The following DCC variants were observed in gnomAD, a reference collection of about 807,000 sequenced individuals.
DCC encodes the protein DCC netrin 1 receptor.
A neutral mutation model predicts 172.5 loss-of-function variants in DCC; 58 were observed. That is an observed-to-expected ratio of 0.34 (90% confidence interval 0.27 to 0.42). The LOEUF (loss-of-function observed/expected upper bound fraction) is 0.42, where lower values mean the gene tolerates loss of function less well. DCC is among the 10% of genes least tolerant of loss of function. DCC has a pLI of 1.00. For missense variants in DCC, 1,740 were observed against 1,791.0 expected (o/e 0.97, Z 0.51); for synonymous variants, 709 against 644.5 (o/e 1.10, Z -1.52).
At chr18:52,389,395 A>G (rs921605863) in intron 1 of DCC, among the ~76,000 whole-genome samples, 1 of 152,178 alleles carries the variant, frequency 6.6e-6, no homozygotes, top group African/African-American at 2.4e-5. Flanking sequence ...ATTCAAATTT[A>G]ACTGGACGTC....
At chr18:52,927,168 T>TGTATATGTGTATATAC (rs2040229577) in intron 5 of DCC, among the ~76,000 whole-genome samples, 2 of 82,452 alleles carry the variant, frequency 2.4e-5, no homozygotes, top group African/African-American at 4.7e-5. Context: ...CGTATATATG[T>TGTATATGTGTATATAC]GTATATATGT....
chr18:53,189,415 T>TTA (rs775818255), intron 9 of DCC, among the ~76,000 whole-genome samples: 6 of 151,540 alleles, frequency 4.0e-5, no homozygotes, highest in South Asian at 4.2e-4. Flanking sequence ...CAACACAATT[T>TTA]TATATATATA....
At chr18:53,505,161 TATAGCAAAA>T (rs767107649) in intron 27 of DCC, 3 of 152,148 alleles carry the variant, frequency 2.0e-5, no homozygotes, top group Non-Finnish European at 4.4e-5. Flanking sequence ...GAGGAGATGT[TATAGCAAAA>T]GTAGCAACTA....
At chr18:52,850,939 A>G (rs553844229) in intron 2 of DCC, among the ~76,000 whole-genome samples, 2 of 152,222 alleles carry the variant, frequency 1.3e-5, no homozygotes, top group Middle Eastern at 3.4e-3. Flanking sequence ...TCTTTTCTGT[A>G]TTAATAAAGT....
At chr18:52,720,847 T>C (rs1016345149) in intron 1 of DCC, among the ~76,000 whole-genome samples, 4 of 152,182 alleles carry the variant, frequency 2.6e-5, no homozygotes, top group African/African-American at 9.7e-5. Context: ...TTTCTTAACA[T>C]GCTGCTGTTT....
At chr18:53,212,149 T>A (rs2055762872) in intron 11 of DCC, among the ~76,000 whole-genome samples, 1 of 152,158 alleles carries the variant, frequency 6.6e-6, no homozygotes, top group Admixed American at 6.6e-5. Context: ...GAGACTCATT[T>A]ACAATTATGG....
At chr18:52,341,904 C>T (rs1371575514) in intron 1 of DCC, among the ~76,000 whole-genome samples, 2 of 152,056 alleles carry the variant, frequency 1.3e-5, no homozygotes, top group African/African-American at 4.8e-5. Flanking sequence ...CGGAAACGAC[C>T]TTTTTCCAAA....
chr18:53,312,306 C>A (rs9954838), intron 13 of DCC, among the ~76,000 whole-genome samples: 68,157 of 130,472 alleles, frequency 0.52, 18,640 homozygotes, highest in East Asian at 0.71. Flanking sequence ...GCGCCACTGC[C>A]CTCCAGCCTG....
chr18:53,410,015 A>T (rs1909888736), intron 19 of DCC, among the ~76,000 whole-genome samples: 1 of 152,188 alleles, frequency 6.6e-6, no homozygotes, highest in African/African-American at 2.4e-5. Flanking sequence ...ATTACACTTT[A>T]AACATGTATA....
chr18:53,309,964 G>A (rs2116201), intron 13 of DCC, among the ~76,000 whole-genome samples: 63,648 of 135,508 alleles, frequency 0.47, 15,686 homozygotes, highest in East Asian at 0.67. Flanking sequence ...ATACGTGTGT[G>A]TATATATATA....
intron 7 of DCC, among the ~76,000 whole-genome samples, chr18:53,112,838 C>T (rs911722553): frequency 6.6e-6 from 1 of 151,634 alleles, no homozygotes. Context: ...TACCTTGAAA[C>T]ATTTTTAGCT....
At chr18:52,992,938 C>A (rs2041417156) in intron 5 of DCC, among the ~76,000 whole-genome samples, 1 of 150,924 alleles carries the variant, frequency 6.6e-6, no homozygotes. Flanking sequence ...AAGATCACAC[C>A]ACTGCACTAC....
chr18:52,422,163 G>A (rs538771208), intron 1 of DCC, among the ~76,000 whole-genome samples: 1 of 152,264 alleles, frequency 6.6e-6, no homozygotes, highest in Non-Finnish European at 1.5e-5. Flanking sequence ...AGAAAAGTGA[G>A]TGAATGCGTG....
At chr18:53,299,115 A>G (rs547534503) in intron 12 of DCC, among the ~76,000 whole-genome samples, 1 of 152,330 alleles carries the variant, frequency 6.6e-6, no homozygotes, top group Admixed American at 6.5e-5. Context: ...GGAGTAAAGA[A>G]TATGTCCACA....
chr18:53,316,128 A>G (rs985336905), intron 13 of DCC, among the ~76,000 whole-genome samples: 11 of 152,054 alleles, frequency 7.2e-5, no homozygotes, highest in Non-Finnish European at 1.5e-4. Flanking sequence ...GTTAATTTTC[A>G]TATAAAGTGT....
chr18:52,818,257 T>C (rs948876168), intron 2 of DCC: 2 of 151,298 alleles, frequency 1.3e-5, no homozygotes, highest in Admixed American at 1.3e-4. Context: ...ACAAAAAATT[T>C]AAAAATTAGC....
chr18:53,087,631 C>G (rs2042934843), intron 7 of DCC, among the ~76,000 whole-genome samples: 1 of 152,120 alleles, frequency 6.6e-6, no homozygotes, highest in South Asian at 2.1e-4. Flanking sequence ...TCAATTTTGG[C>G]TTTTGTTGCC....
intron 1 of DCC, among the ~76,000 whole-genome samples, chr18:52,404,417 G>T (rs903914517): frequency 1.3e-5 from 2 of 149,950 alleles, no homozygotes; most frequent in Admixed American, 1.3e-4. Context: ...GTAAAATGAT[G>T]TACGCTGACT....
At chr18:53,381,164 T>G (rs991172487) in intron 15 of DCC, among the ~76,000 whole-genome samples, 1 of 51,208 alleles carries the variant, frequency 2.0e-5, no homozygotes, top group African/African-American at 5.6e-5. Context: ...AGTTAAAAAT[T>G]CAAACCAATA....
Sources: allele counts gnomAD v4.1 joint callset (sites outside exome capture counted in the v4.1 genomes callset), GRCh38; gene constraint gnomAD v4.1.1; transcripts MANE v1.5; gene names NCBI Gene and HGNC (gene_info 2026-07-23, HGNC 2026-07-21).